ASPM: variants seen among roughly 807,000 people sequenced by gnomAD.
The protein encoded by ASPM is assembly factor for spindle microtubules.
Under a neutral mutation model 366.4 loss-of-function variants are expected in ASPM, and 256 were observed. That is an observed-to-expected ratio of 0.70 (90% CI 0.63 to 0.77). ASPM has a LOEUF of 0.77. Among genes scored for constraint, ASPM ranks in the 30% least tolerant of loss-of-function variants. The probability of loss-of-function intolerance (pLI) is 0.00; values close to 1 mark genes in which losing one functional copy is unlikely to be tolerated. For missense variants in ASPM, 4,146 were observed against 4,090.4 expected (o/e 1.01, Z -0.37); for synonymous variants, 1,414 against 1,342.9 (o/e 1.05, Z -1.16).
chr1:197,104,698 T>C lies in ASPM; in HGVS notation c.4553A>G (p.Gln1518Arg), dbSNP rs762219337. The C allele has an allele frequency of 6.2e-7, 1 of 1,612,966 alleles. No individual in the cohort carries two copies. Among genetic ancestry groups the C allele is most frequent in the Non-Finnish European group, 8.5e-7 (1 of 1,179,352 alleles). Reference sequence around the variant, plus strand: ...TTTCAGATATGCTTTGTAGTACTTCTGGATGGTTAGTATGGACTCTTTTCT... The same window carrying C: ...TTTCAGATATGCTTTGTAGTACTTCCGGATGGTTAGTATGGACTCTTTTCT... ...KRRKESILTI[Q>R]KYYKAYLKGK... is the part of the protein sequence containing the mutation. Residue 1518 changes from glutamine to arginine, a missense_variant, in exon 18 of 28, where the codon CAG becomes CGG. By Grantham distance (43) the Gln-to-Arg change is conservative. Around this residue, in one of 3 missense-constraint regions of ASPM, gnomAD observed 3,624 missense variants for 3,591.7 expected, o/e 1.01. Transcript: ENST00000367409.
chr1:197,142,970 C>A lies in ASPM; in HGVS notation c.1282G>T (p.Asp428Tyr), dbSNP rs750620014. The part of the protein sequence containing the change: ...ENSQVPQSPE[D>Y]WRKSEVSPRI... ...GGCGAAACTTCACTTTTTCTCCAAT[C>A]TTCAGGAGACTGTGGGACTTGAGAA... Residue 428 changes from aspartate (D) to tyrosine (Y), a missense_variant, in exon 3 of 28, where the codon GAT becomes TAT. By Grantham distance (160) the Asp-to-Tyr change is radical. Coordinates refer to ENST00000367409, the MANE Select transcript of ASPM (RefSeq NM_018136.5). 6.2e-7 allele frequency: 1 copy of A among 1,613,970 alleles called. No individual in the cohort carries two copies. The highest frequency in any genetic ancestry group is 1.7e-5 in the Admixed American group (1 of 60,018).
At chr1:197,135,569 A>G (rs1268302018) in intron 4 of ASPM, among the ~76,000 whole-genome samples, 1 of 150,402 alleles carries the variant, frequency 6.6e-6, no homozygotes, top group Admixed American at 6.6e-5. Flanking sequence ...TATTCATAGA[A>G]TTTATACAAA....
At position 197,143,769 on chromosome 1, in the gene ASPM, G is replaced by A. The variant is rs1259531713; in HGVS notation, c.483C>T (p.Ala161=). The stretch of plus-strand genomic sequence containing the variant: ...AAACCCTTCTGTTGTGACTTGTAGA[G>A]GCTGAAATTTTCTTCTTTTTAATGG... ...WDTIKKKKIS[A]STSHNRRVSN... The change falls in exon 3 of 28, where the codon GCC becomes GCT. Residue 161 remains alanine, a synonymous_variant. Coordinates refer to ENST00000367409, the MANE Select transcript of ASPM (RefSeq NM_018136.5). The A allele has an allele frequency of 6.2e-7, 1 of 1,611,956 alleles. No homozygotes were observed. Among genetic ancestry groups the A allele is most frequent in the Non-Finnish European group, 8.5e-7 (1 of 1,179,476 alleles).
At position 197,143,778 on chromosome 1, in the gene ASPM, TTTC is replaced by T; in HGVS notation, c.471_473del (p.Lys158del). 1.9e-6 allele frequency: 3 copies of T among 1,611,948 alleles called. No individual in the cohort carries two copies. The highest frequency in any genetic ancestry group is 2.5e-6 in the Non-Finnish European group (3 of 1,179,486). ...TGTTGTGACTTGTAGAGGCTGAAATTTTCTTCTTTTTAATGGTATCCCAAAGAC... is the reference window on the plus strand; with the variant it reads ...TGTTGTGACTTGTAGAGGCTGAAATTTTCTTTTTAATGGTATCCCAAAGAC... On this transcript the variant is annotated inframe_deletion, in exon 3 of 28. Coordinates refer to ENST00000367409, the MANE Select transcript of ASPM (RefSeq NM_018136.5).
chr1:197,118,113 T>G, intron 16 of ASPM, 130 bp from the exon 17 acceptor site: 6 of 861,476 alleles, frequency 7.0e-6, no homozygotes, highest in South Asian at 4.6e-5. Flanking sequence ...ACACTTCTTG[T>G]GTTCATCTTT....
rs369377108 is a variant in ASPM at position 197,122,470 on chromosome 1, C to T, written c.3516G>A (p.Thr1172=). Residue 1172 remains threonine (T), a synonymous_variant, in exon 14 of 28, where the codon ACG becomes ACA. Transcript: ENST00000367409. ...AATTTAATACCACTGAACCAGTTTG[C>T]GTACATTCCACAGTTTGAGTAGTAC... is the stretch of plus-strand genomic sequence containing the variant. ...CQRTTQTVEC[T]QTGSVVLNSS... 1.7e-5 allele frequency: 28 copies of T among 1,613,738 alleles called. No individual in the cohort carries two copies. The highest frequency in any genetic ancestry group is 1.6e-4 in the African/African-American group (12 of 75,016).
intron 16 of ASPM, among the ~76,000 whole-genome samples, chr1:197,119,389 T>C (rs1391692785): frequency 2.0e-5 from 3 of 152,146 alleles, no homozygotes; most frequent in Non-Finnish European, 2.9e-5. Flanking sequence ...TTCAGAAGTA[T>C]ATTGCATTTG....
chr1:197,099,782 T>C (rs1657096687), intron 18 of ASPM, among the ~76,000 whole-genome samples: 1 of 151,776 alleles, frequency 6.6e-6, no homozygotes, highest in Non-Finnish European at 1.5e-5. Flanking sequence ...GGTTAAAGCC[T>C]GGGTTATTGC....
At chr1:197,114,949 A>T (rs574144692) in intron 17 of ASPM, among the ~76,000 whole-genome samples, 31 of 152,074 alleles carry the variant, frequency 2.0e-4, no homozygotes, top group African/African-American at 7.2e-4. Context: ...GTGTTTCTCC[A>T]CGTTGGCCAG....
intron 4 of ASPM, 96 bp downstream of exon 4, chr1:197,139,671 T>C (rs1424699678): frequency 6.1e-6 from 6 of 985,418 alleles, no homozygotes; most frequent in African/African-American, 1.6e-5. Flanking sequence ...CAGGCTGTTA[T>C]TCAACAACAA....
At chr1:197,128,332 A>G (rs1658150790) in intron 10 of ASPM, among the ~76,000 whole-genome samples, 158 bp downstream of exon 10, 1 of 132,374 alleles carries the variant, frequency 7.6e-6, no homozygotes, top group Admixed American at 8.8e-5. Context: ...ACATTGATGT[A>G]CCACTTCCCT....
Position 197,084,250 on chromosome 1 carries a change from A to G in ASPM, c.*74T>C. 8.7e-7 allele frequency: 1 copy of G among 1,147,972 alleles called. No homozygotes were observed. Among genetic ancestry groups the G allele is most frequent in the Non-Finnish European group, 1.3e-6 (1 of 766,044 alleles). The allele number at this position is 1,147,972 out of a possible 1,614,324, so 71.1% of individuals were successfully genotyped here. A position where few individuals can be genotyped will look rare whatever the true frequency, so the allele number is the denominator to read the frequency against. ...ATTTTAAAAGTTGTACACGGAGAGC[A>G]AAAATCACTTTACGTACTCATGATT... On this transcript the variant is annotated 3_prime_UTR_variant, in exon 28 of 28. Transcript: ENST00000367409.
intron 3 of ASPM, 58 bp from the exon 4 acceptor site, chr1:197,139,929 T>A (rs1159366866): frequency 8.2e-7 from 1 of 1,217,190 alleles, no homozygotes; most frequent in African/African-American, 1.5e-5. Flanking sequence ...CCTAAATAGG[T>A]CAGTGATTTG....
Position 197,139,822 on chromosome 1 carries a change from T to A in ASPM, c.1971A>T (p.Lys657Asn). 4.3e-6 allele frequency: 7 copies of A among 1,612,378 alleles called. No individual in the cohort carries two copies. Among genetic ancestry groups the A allele is most frequent in the Non-Finnish European group, 5.9e-6 (7 of 1,178,506 alleles). ...TGGACTGTGCCACAGCGATAATGGG[T>A]TTTGTCCTTTTGTTTGTTTTAGAAA... Reference protein sequence around the residue: ...TPISKTNKRTKPIIAVAQSSL... With the variant: ...TPISKTNKRTNPIIAVAQSSL... Residue 657 changes from lysine to asparagine, a missense_variant, in exon 4 of 28, where the codon AAA (lysine) becomes AAT (asparagine). This residue lies in a region of ASPM where 3,624 missense variants were observed against 3,591.7 expected (regional missense o/e 1.01). Coordinates refer to ENST00000367409, the MANE Select transcript of ASPM (RefSeq NM_018136.5).
chr1:197,099,780 C>T (rs1333600317), intron 18 of ASPM, among the ~76,000 whole-genome samples: 1 of 151,526 alleles, frequency 6.6e-6, no homozygotes, highest in Non-Finnish European at 1.5e-5. Flanking sequence ...TGGGTTAAAG[C>T]CTGGGTTATT....
rs1251000450 is a variant in ASPM at position 197,128,662 on chromosome 1, T to C, written c.2764A>G (p.Ser922Gly). The C allele has an allele frequency of 1.2e-6, 2 of 1,608,726 alleles. No individual in the cohort carries two copies. The change falls in exon 10 of 28, where the codon AGT becomes GGT. Residue 922 changes from serine to glycine, a missense_variant. Ser to Gly is a moderately conservative substitution (Grantham distance 56). Coordinates refer to ENST00000367409, the MANE Select transcript of ASPM (RefSeq NM_018136.5). ...GAAAAAGCCAAAAGGATTTCTTTAC[T>C]AGCCTATAAAGAAATAAGTTCCAGA... ...LFCKDAEFKASKEILLAFSRD... is the reference protein window; with the variant it reads ...LFCKDAEFKAGKEILLAFSRD...
rs577696973 is a variant in ASPM, at chr1:197,137,892, T to C, written c.2026+1875A>G. Among the ~76,000 whole-genome samples, 7 of 152,328 alleles carry C rather than the reference T, an allele frequency of 4.6e-5. No homozygotes were observed. In the East Asian group the frequency reaches 1.4e-3, roughly 29 times the overall value. Reference sequence around the variant, plus strand: ...ATTGTACTCTGATTTTCTCTAGCTTTTGAATTCTTTATTCTAATATCAGTT... The same window carrying C: ...ATTGTACTCTGATTTTCTCTAGCTTCTGAATTCTTTATTCTAATATCAGTT... On this transcript the variant is annotated intron_variant, in intron 4 of 27. Transcript: ENST00000367409.
chr1:197,095,333 T>C (rs1571592713), intron 19 of ASPM, among the ~76,000 whole-genome samples: 1 of 151,752 alleles, frequency 6.6e-6, no homozygotes, highest in East Asian at 1.9e-4. Context: ...CTTCTACCCA[T>C]GGGCTTCATC....
At chr1:197,107,967 C>A (rs1412261516) in intron 17 of ASPM, among the ~76,000 whole-genome samples, 1 of 152,028 alleles carries the variant, frequency 6.6e-6, no homozygotes, top group Admixed American at 6.6e-5. Context: ...CATGGTAGGC[C>A]AAATTTGGCC....
Sources: gnomAD v4.1 joint callset for allele counts (sites outside exome capture counted in the v4.1 genomes callset) on GRCh38, gnomAD v4.1.1 for gene constraint, gnomAD v4.1.1 regional missense constraint, MANE v1.5 for transcripts, NCBI Gene and HGNC (gene_info 2026-07-23, HGNC 2026-07-21) for gene names.